ANO1: variants seen among roughly 807,000 people sequenced by gnomAD.
ANO1 encodes the protein anoctamin-1.
ANO1 carries 59 observed loss-of-function variants against 124.0 expected under a neutral mutation model. The observed-to-expected ratio is 0.48, with a 90% CI of 0.39 to 0.59. ANO1 has a LOEUF of 0.59. Ranked by LOEUF, ANO1 falls within the 20% of genes least tolerant of loss-of-function variation. The pLI, the probability that ANO1 is intolerant of heterozygous loss-of-function variation, is 0.00. For missense variants in ANO1, 1,059 were observed against 1,328.0 expected (o/e 0.80, Z 3.15); for synonymous variants, 529 against 532.0 (o/e 0.99, Z 0.08).
chr11:70,133,069 G>A (rs753656492), intron 11 of ANO1, among the ~76,000 whole-genome samples: 24 of 152,110 alleles, frequency 1.6e-4, no homozygotes, highest in Non-Finnish European at 3.2e-4. Context: ...GTCCCACCTC[G>A]TACCCCTGCT....
chr11:70,131,172 C>T (rs2046741856), intron 10 of ANO1, among the ~76,000 whole-genome samples: 1 of 152,232 alleles, frequency 6.6e-6, no homozygotes, highest in South Asian at 2.1e-4. Flanking sequence ...GCCTCAGGGT[C>T]ACCCCAGAGG....
chr11:70,153,856 C>T (rs2047698343), intron 14 of ANO1, among the ~76,000 whole-genome samples: 1 of 152,110 alleles, frequency 6.6e-6, no homozygotes, highest in Non-Finnish European at 1.5e-5. Context: ...ACCCCCGCCT[C>T]CCGGGTTCAA....
intron 10 of ANO1, among the ~76,000 whole-genome samples, chr11:70,131,046 C>G (rs1296709847): frequency 2.0e-5 from 3 of 152,210 alleles, no homozygotes; most frequent in Non-Finnish European, 4.4e-5. Flanking sequence ...AACATAAAGA[C>G]CTGGCTAGCA....
At chr11:70,092,431 G>A (rs369853805) in intron 2 of ANO1, among the ~76,000 whole-genome samples, 32 of 152,314 alleles carry the variant, frequency 2.1e-4, no homozygotes, top group Middle Eastern at 3.4e-3. Flanking sequence ...TGGAGCACGC[G>A]GGTAGCAGCA....
chr11:70,057,141 G>C (rs1381962749), intron 1 of ANO1, among the ~76,000 whole-genome samples: 1 of 152,038 alleles, frequency 6.6e-6, no homozygotes. Flanking sequence ...TTGTTTCTGT[G>C]GTTCTTAATC....
chr11:69,987,762 G>A (rs1554997034), intron 1 of ANO1, among the ~76,000 whole-genome samples: 1 of 152,170 alleles, frequency 6.6e-6, no homozygotes, highest in Admixed American at 6.5e-5. Flanking sequence ...CTGTGCATGA[G>A]GGTGTACTCT....
rs2045388780 is a variant in ANO1, at chr11:70,104,038, A to G, written c.580A>G (p.Ile194Val). 6.2e-7 allele frequency: 1 copy of G among 1,612,582 alleles called. No individual in the cohort carries two copies. The highest frequency in any genetic ancestry group is 8.5e-7 in the Non-Finnish European group (1 of 1,179,396). The change falls in exon 4 of 26, where the codon ATC (isoleucine) becomes GTC (valine). Residue 194 changes from isoleucine (I) to valine (V), a missense_variant. By Grantham distance (29) the Ile-to-Val change is conservative. Transcript: ENST00000355303. ...INETRGLLKKINSVLQKITDP... is the reference protein window; with the variant it reads ...INETRGLLKKVNSVLQKITDP... ...TGAGACCCGTGGCCTCCTGAAAAAA[A>G]TCAACTCTGTGCTCCAGAAAATCAC...
upstream of ANO1, among the ~76,000 whole-genome samples, chr11:69,981,039 G>A (rs568398941): frequency 7.2e-5 from 11 of 152,312 alleles, no homozygotes; most frequent in African/African-American, 2.2e-4. Context: ...TGACAGGAGC[G>A]AGACTCCTTT....
At chr11:69,976,553 AAGAG>A in the ANO1 span, among the ~76,000 whole-genome samples, 40 of 86,098 alleles carry the variant, frequency 4.6e-4, 7 homozygotes, top group East Asian at 1.2e-3. Flanking sequence ...AAAAAAAAAA[AAGAG>A]AGAGAGAGAG....
At chr11:70,177,054 C>T (rs972001948) in intron 22 of ANO1, among the ~76,000 whole-genome samples, 2 of 152,198 alleles carry the variant, frequency 1.3e-5, no homozygotes, top group African/African-American at 4.8e-5. Context: ...AGGAAGACCC[C>T]GCTCCCGGCT....
chr11:70,153,194 C>A, intron 14 of ANO1, 66 bp downstream of exon 14: 1 of 1,372,238 alleles, frequency 7.3e-7, no homozygotes, highest in Non-Finnish European at 1.0e-6. Flanking sequence ...CCATGTAGAC[C>A]TGGGATCAGC....
rs537788267 is a variant in ANO1, at chr11:70,026,056, T to C, written c.58+39890T>C. ...ATGATGGTGATGATGGTGGTGGTGG[T>C]GATGATGATGTGGTGGTGGTGATGA... On this transcript the variant is annotated intron_variant, in intron 1 of 27. Coordinates refer to the ANO1 transcript ENST00000531349. 2.0e-3 allele frequency among the ~76,000 whole-genome samples: 279 copies of C among 141,938 alleles called. 3 individuals carry two copies. Among genetic ancestry groups the C allele is most frequent in the African/African-American group, 7.0e-3 (254 of 36,200 alleles). The allele number at this position is 141,938 out of a possible 152,430, so 93.1% of individuals were successfully genotyped here. A position where few individuals can be genotyped will look rare whatever the true frequency, so the allele number is the denominator to read the frequency against.
At chr11:69,976,533 A>G in the ANO1 span, among the ~76,000 whole-genome samples, 8 of 30,934 alleles carry the variant, frequency 2.6e-4, no homozygotes, top group African/African-American at 3.1e-4. Flanking sequence ...AAAAAAAAAA[A>G]AAAAAAAAAA....
At chr11:70,123,286 G>A (rs912518158) in intron 8 of ANO1, among the ~76,000 whole-genome samples, 3 of 152,200 alleles carry the variant, frequency 2.0e-5, no homozygotes, top group African/African-American at 7.2e-5. Flanking sequence ...TGGATCTCAG[G>A]AATACGCCCT....
At chr11:69,968,790 G>A in the ANO1 span, among the ~76,000 whole-genome samples, 1 of 152,318 alleles carries the variant, frequency 6.6e-6, no homozygotes, top group East Asian at 1.9e-4. Context: ...TCGTGGACAG[G>A]ATTTCTGTCC....
intron 5 of ANO1, among the ~76,000 whole-genome samples, chr11:70,106,511 T>C (rs1397453364): frequency 6.6e-6 from 1 of 152,124 alleles, no homozygotes; most frequent in Non-Finnish European, 1.5e-5. Flanking sequence ...GACCACCACC[T>C]GAGACTGGCA....
chr11:70,060,115 A>G (rs1857540629), intron 1 of ANO1, among the ~76,000 whole-genome samples: 1 of 152,162 alleles, frequency 6.6e-6, no homozygotes, highest in Non-Finnish European at 1.5e-5. Context: ...TGACAATGAA[A>G]GAGCCTTGTG....
At chr11:70,068,653 A>C (rs991827302) in intron 1 of ANO1, among the ~76,000 whole-genome samples, 3 of 152,108 alleles carry the variant, frequency 2.0e-5, no homozygotes, top group Non-Finnish European at 2.9e-5. Flanking sequence ...CCAAGAGAAT[A>C]CAATTAACTC....
At chr11:69,998,939 ACT>A (rs1304838656) in intron 1 of ANO1, among the ~76,000 whole-genome samples, 6 of 151,470 alleles carry the variant, frequency 4.0e-5, no homozygotes, top group Non-Finnish European at 8.8e-5. Flanking sequence ...CAAGAGCAAA[ACT>A]CTGTTTGAAA....
Sources: gnomAD v4.1 joint callset for allele counts (sites outside exome capture counted in the v4.1 genomes callset) on GRCh38, gnomAD v4.1.1 for gene constraint, MANE v1.5 for transcripts, NCBI Gene and HGNC (gene_info 2026-07-23, HGNC 2026-07-21) for gene names.